Variants in WDR25 observed in about 807,000 individuals in gnomAD.
WDR25 encodes the protein WD repeat-containing protein 25.
In WDR25, 35 loss-of-function variants were observed where a neutral mutation model predicts 47.7. The ratio of observed to expected loss-of-function variants is 0.73; its 90% CI spans 0.56 to 0.97. The LOEUF is 0.97. Ranked by LOEUF, WDR25 falls within the 50% of genes least tolerant of loss-of-function variation. WDR25 has a pLI of 0.00. For missense variants in WDR25, 634 were observed against 704.7 expected (o/e 0.90, Z 1.14); for synonymous variants, 248 against 278.9 (o/e 0.89, Z 1.10).
chr14:100,460,061 C>G (rs951034125), intron 2 of WDR25, among the ~76,000 whole-genome samples: 1 of 149,932 alleles, frequency 6.7e-6, no homozygotes, highest in African/African-American at 2.4e-5. Context: ...AAAAGGACAT[C>G]ATAAGAGAAG....
chr14:100,432,548 A>G (rs1313550863), intron 2 of WDR25, among the ~76,000 whole-genome samples: 1 of 152,140 alleles, frequency 6.6e-6, no homozygotes, highest in Non-Finnish European at 1.5e-5. Context: ...ATCCCCAGAC[A>G]CCCTTCACCC....
Position 100,449,045 on chromosome 14 carries a change from G to A in WDR25, c.823-18976G>A, listed in dbSNP as rs1280890502. ...CGATCGTGATGGGAGATGAGGCTGG[G>A]CAGGTGAGTGGGGCCTCCGGAGTCA... On this transcript the variant is annotated intron_variant, in intron 2 of 6. Coordinates refer to ENST00000402312, the MANE Select transcript of WDR25 (RefSeq NM_001161476.3). This position sits in a 1 kb window ranked among gnomAD's most constrained non-coding sequence, Gnocchi z 4.2. Among the ~76,000 whole-genome samples the A allele has an allele frequency of 6.6e-6, 1 of 152,126 alleles. No homozygotes were observed. The highest frequency in any genetic ancestry group is 1.9e-4 in the East Asian group (1 of 5,152).
At chr14:100,388,187 T>C (rs1165948610) in intron 2 of WDR25, among the ~76,000 whole-genome samples, 1 of 152,238 alleles carries the variant, frequency 6.6e-6, no homozygotes, top group Non-Finnish European at 1.5e-5. Context: ...GAGGCAAATC[T>C]ATTGGCAATG....
rs1194608408 is a variant in WDR25, at chr14:100,470,001, G to T, written c.970+1833G>T. On this transcript the variant is annotated intron_variant, in intron 3 of 6. Coordinates refer to ENST00000402312, the MANE Select transcript of WDR25 (RefSeq NM_001161476.3). Reference sequence around the variant, plus strand: ...CTCCTGTCTGCTGGAGAAGACAGAAGTGCAGAGTCAATCCCAAATTGCAGT... The same window carrying T: ...CTCCTGTCTGCTGGAGAAGACAGAATTGCAGAGTCAATCCCAAATTGCAGT... Among the ~76,000 whole-genome samples, 3 of 152,230 alleles carry T rather than the reference G, an allele frequency of 2.0e-5. No homozygotes were observed. In the East Asian group the frequency reaches 5.8e-4, roughly 29 times the overall value.
intron 2 of WDR25, chr14:100,454,857 T>G (rs1465153730): frequency 5.7e-6 from 1 of 175,160 alleles, no homozygotes; most frequent in Non-Finnish European, 1.2e-5. Context: ...AATAGAAATT[T>G]CTGCTGCTGC....
intron 2 of WDR25, among the ~76,000 whole-genome samples, chr14:100,444,172 G>A (rs1021929435): frequency 1.3e-4 from 20 of 152,212 alleles, no homozygotes; most frequent in African/African-American, 3.9e-4. Flanking sequence ...ACTAAGTTGT[G>A]TCTGGCTGAA....
At chr14:100,469,033 C>T (rs1037923937) in intron 3 of WDR25, among the ~76,000 whole-genome samples, 3 of 152,178 alleles carry the variant, frequency 2.0e-5, no homozygotes, top group Admixed American at 6.5e-5. Context: ...CAGAGCTCCT[C>T]GGTCTCATTT....
intron 3 of WDR25, among the ~76,000 whole-genome samples, chr14:100,482,487 C>G (rs1446480230): frequency 6.6e-6 from 1 of 152,112 alleles, no homozygotes; most frequent in Non-Finnish European, 1.5e-5. Context: ...TTCAACTTAA[C>G]ACAGATATCT....
intron 4 of WDR25, among the ~76,000 whole-genome samples, chr14:100,510,399 C>A (rs1481051265): frequency 2.0e-5 from 3 of 151,776 alleles, no homozygotes; most frequent in Non-Finnish European, 4.4e-5. Flanking sequence ...TCCTGAGTAG[C>A]TGGCACTATA....
intron 4 of WDR25, among the ~76,000 whole-genome samples, chr14:100,512,539 G>T (rs1901343183): frequency 6.6e-6 from 1 of 152,062 alleles, no homozygotes; most frequent in Non-Finnish European, 1.5e-5. Flanking sequence ...TCAAGTATCA[G>T]ATTTTCATTT....
chr14:100,441,278 G>C (rs1227215914), intron 2 of WDR25, among the ~76,000 whole-genome samples: 2 of 152,200 alleles, frequency 1.3e-5, no homozygotes, highest in African/African-American at 4.8e-5. Flanking sequence ...TCTCCTTGAA[G>C]GGTGGTCGCT....
intron 2 of WDR25, chr14:100,381,984 C>A: frequency 1.5e-6 from 1 of 680,884 alleles, no homozygotes; most frequent in Non-Finnish European, 2.7e-6. Context: ...TGTTTCTTAT[C>A]CCTCTCGGAG....
intron 2 of WDR25, among the ~76,000 whole-genome samples, chr14:100,427,320 C>T (rs1312572726): frequency 1.3e-5 from 2 of 152,208 alleles, no homozygotes; most frequent in African/African-American, 4.8e-5. Context: ...GCTCCCACTG[C>T]CTCTCAGTCT....
At chr14:100,400,223 A>G (rs906919890) in intron 2 of WDR25, among the ~76,000 whole-genome samples, 2 of 152,230 alleles carry the variant, frequency 1.3e-5, no homozygotes, top group African/African-American at 4.8e-5. Flanking sequence ...CCGCAGTGAC[A>G]TTCCTTGATA....
At chr14:100,414,213 G>A (rs1350190830) in intron 2 of WDR25, among the ~76,000 whole-genome samples, 2 of 151,792 alleles carry the variant, frequency 1.3e-5, no homozygotes, top group Non-Finnish European at 2.9e-5. Flanking sequence ...GGCCAGGCTC[G>A]TCTTGAACTC....
rs1244874362 is a variant in WDR25, at chr14:100,428,284, C to T, written c.823-39737C>T. 1.3e-5 allele frequency among the ~76,000 whole-genome samples: 2 copies of T among 152,192 alleles called. No homozygotes were observed. Among genetic ancestry groups the T allele is most frequent in the Non-Finnish European group, 2.9e-5 (2 of 68,026 alleles). On this transcript the variant is annotated intron_variant, in intron 2 of 6. Coordinates refer to ENST00000402312, the MANE Select transcript of WDR25 (RefSeq NM_001161476.3). The surrounding 1 kb of genome is among the most constrained non-coding windows in gnomAD (Gnocchi z 4.3). ...TCTGCCTACAGGCAGTGAGTGTGGCCTGGGAGGCAGGTGGCCCTGTGGGGT... is the reference window on the plus strand; with the variant it reads ...TCTGCCTACAGGCAGTGAGTGTGGCTTGGGAGGCAGGTGGCCCTGTGGGGT...
rs1204321401 is a variant in WDR25, at chr14:100,525,875, G to A, written c.1107G>A (p.Met369Ile). 1.9e-6 allele frequency: 3 copies of A among 1,613,666 alleles called. No individual in the cohort carries two copies. The highest frequency in any genetic ancestry group is 2.2e-5 in the East Asian group (1 of 44,878). The change falls in exon 5 of 7, where the codon ATG becomes ATA. Residue 369 changes from methionine to isoleucine, a missense_variant. Physicochemically the swap from Met to Ile is conservative, Grantham distance 10 (BLOSUM62 1). Transcript: ENST00000402312. The surrounding 1 kb of genome is among the most constrained non-coding windows in gnomAD (Gnocchi z 4.6). ...ACCGGTGTCCGCTCTTGCAGGTGAT[G>A]AGAAGCTACAAGGCGACCATCCAGC... ...KAWDIRTGKV[M>I]RSYKATIQQT...
intron 3 of WDR25, among the ~76,000 whole-genome samples, chr14:100,482,745 T>A (rs1226375770): frequency 6.6e-6 from 1 of 152,216 alleles, no homozygotes; most frequent in Non-Finnish European, 1.5e-5. Flanking sequence ...CTGAATTGAA[T>A]GAGCAAGTGC....
rs1201862859 is a variant in WDR25, at chr14:100,506,002, T to C, written c.1102-19868T>C. 1.3e-5 allele frequency among the ~76,000 whole-genome samples: 2 copies of C among 152,208 alleles called. No homozygotes were observed. Among genetic ancestry groups the C allele is most frequent in the South Asian group, 2.1e-4 (1 of 4,828 alleles). ...CGTGATGTTGAGGTTTCGGGTATGA[T>C]TGATCCCTTCACCCAGTTACTGAGC... On this transcript the variant is annotated intron_variant, in intron 4 of 6. Coordinates refer to ENST00000402312, the MANE Select transcript of WDR25 (RefSeq NM_001161476.3). This position sits in a 1 kb window ranked among gnomAD's most constrained non-coding sequence, Gnocchi z 4.8.
Sources: gnomAD v4.1 joint callset for allele counts (sites outside exome capture counted in the v4.1 genomes callset) on GRCh38, gnomAD v4.1.1 for gene constraint, Gnocchi (gnomAD v3.1) non-coding constraint, MANE v1.5 for transcripts, NCBI Gene and HGNC (gene_info 2026-07-23, HGNC 2026-07-21) for gene names.